The following PCDHGA11 variants were observed in gnomAD, a reference collection of about 807,000 sequenced individuals.
The protein encoded by PCDHGA11 is protocadherin gamma subfamily A, 11.
PCDHGA11 carries 39 observed loss-of-function variants against 60.4 expected under a neutral mutation model. The ratio of observed to expected loss-of-function variants is 0.65; its 90% CI spans 0.50 to 0.84. The LOEUF (loss-of-function observed/expected upper bound fraction) is 0.84. PCDHGA11 is among the 40% of genes least tolerant of loss of function. The probability of loss-of-function intolerance (pLI) is 0.00; values close to 1 mark genes in which losing one functional copy is unlikely to be tolerated. For synonymous variants in PCDHGA11, 533 were observed against 510.3 expected, an observed-to-expected ratio of 1.04 and a Z score of -0.60; for missense variants, 1,165 against 1,197.7, an observed-to-expected ratio of 0.97 and a Z score of 0.40.
At chr5:141,443,980 T>A (rs2098412674) in intron 1 of PCDHGA11, among the ~76,000 whole-genome samples, 1 of 152,036 alleles carries the variant, frequency 6.6e-6, no homozygotes, top group South Asian at 2.1e-4. Context: ...CTAAGCTATG[T>A]TAATTTTATT....
At chr5:141,507,798 GCCCT>G (rs2099863561) in intron 3 of PCDHGA11, among the ~76,000 whole-genome samples, 1 of 152,188 alleles carries the variant, frequency 6.6e-6, no homozygotes, top group Admixed American at 6.5e-5. Context: ...CTAAGCCTGC[GCCCT>G]GGGGAACGGA....
rs2096582597 is a variant in PCDHGA11, at chr5:141,421,544, A to G, written c.317A>G (p.Asn106Ser). The G allele has an allele frequency of 6.2e-7, 1 of 1,613,912 alleles. No homozygotes were observed. Among genetic ancestry groups the G allele is most frequent in the African/African-American group, 1.3e-5 (1 of 74,948 alleles). Residue 106 changes from asparagine to serine, a missense_variant, in exon 1 of 4, where the codon AAT becomes AGT. Physicochemically the swap from Asn to Ser is conservative, Grantham distance 46 (BLOSUM62 1). Transcript: ENST00000398587. Reference protein sequence around the residue: ...LCETVSSCFLNMELLVEDTLK... With the variant: ...LCETVSSCFLSMELLVEDTLK... The stretch of plus-strand genomic sequence containing the variant: ...GAGACGGTGTCCTCCTGTTTTTTAA[A>G]TATGGAACTTCTCGTGGAAGACACC...
At chr5:141,444,152 A>ATTTTTTTTTTTT (rs747671382) in intron 1 of PCDHGA11, among the ~76,000 whole-genome samples, 4 of 33,898 alleles carry the variant, frequency 1.2e-4, no homozygotes, top group Admixed American at 3.9e-4. Flanking sequence ...TGTGTACTGG[A>ATTTTTTTTTTTT]TTTTTTTTTT....
rs1561869034 is a variant in PCDHGA11 at position 141,433,357 on chromosome 5, G to GT, written c.2433+9697_2433+9698insT. On this transcript the variant is annotated intron_variant, in intron 1 of 3. Transcript: ENST00000398587. ...TACAGGTGCAAGCCACCTACTGTCT[G>GT]CCTATCTATCTATCTATCTATCTAT... 125 of 569,056 alleles carry GT rather than the reference G, an allele frequency of 2.2e-4. No homozygotes were observed. In the African/African-American group the frequency reaches 2.4e-3, roughly 11 times the overall value. The allele number at this position is 569,056 out of a possible 1,614,324, so 35.3% of individuals were successfully genotyped here. A position where few individuals can be genotyped will look rare whatever the true frequency, so the allele number is the denominator to read the frequency against.
chr5:141,501,693 G>T (rs1417828433), intron 2 of PCDHGA11, among the ~76,000 whole-genome samples: 1 of 152,028 alleles, frequency 6.6e-6, no homozygotes, highest in Non-Finnish European at 1.5e-5. Context: ...TATCTGCAGG[G>T]TGATTCCGAG....
intron 1 of PCDHGA11, among the ~76,000 whole-genome samples, chr5:141,447,631 A>G (rs59518107): frequency 0.11 from 16,809 of 152,214 alleles, 1,093 homozygotes; most frequent in African/African-American, 0.17. Flanking sequence ...AACCAACAGT[A>G]TGAATGATGG....
chr5:141,478,352 G>T lies in PCDHGA11; in HGVS notation c.2434-16455G>T, dbSNP rs767743120. 36 of 1,613,674 alleles carry T rather than the reference G, an allele frequency of 2.2e-5. No homozygotes were observed. Among genetic ancestry groups the T allele is most frequent in the Non-Finnish European group, 3.1e-5 (36 of 1,180,016 alleles). On this transcript the variant is annotated intron_variant, in intron 1 of 3. Transcript: ENST00000398587. ...ACCAGGGCCCTCCTTGCACGCGGACGCCGTGCGGGGAGGCCTGATGTCGCC... is the reference window on the plus strand; with the variant it reads ...ACCAGGGCCCTCCTTGCACGCGGACTCCGTGCGGGGAGGCCTGATGTCGCC...
intron 3 of PCDHGA11, among the ~76,000 whole-genome samples, chr5:141,510,584 C>T (rs2099881791): frequency 1.3e-5 from 2 of 152,184 alleles, no homozygotes. Flanking sequence ...TTTTACGTAC[C>T]TGACATACAT....
At position 141,476,043 on chromosome 5, in the gene PCDHGA11, A is replaced by T. The variant is rs2099384502; in HGVS notation, c.2434-18764A>T. 1 of 1,492,156 alleles carries T rather than the reference A, an allele frequency of 6.7e-7. No individual in the cohort carries two copies. Among genetic ancestry groups the T allele is most frequent in the African/African-American group, 1.4e-5 (1 of 71,628 alleles). The allele number at this position is 1,492,156 out of a possible 1,614,324, so 92.4% of individuals were successfully genotyped here. On this transcript the variant is annotated intron_variant, in intron 1 of 3. Coordinates refer to ENST00000398587, the MANE Select transcript of PCDHGA11 (RefSeq NM_018914.3). The surrounding 1 kb of genome is among the most constrained non-coding windows in gnomAD (Gnocchi z 7.6). ...ACTCGGCGCCCAGCGCCCAAGCGCT[A>T]ACCCGCTGAAAGTTTCTCAGCGAAA...
rs561824381 is a variant in PCDHGA11 at position 141,449,084 on chromosome 5, C to T, written c.2433+25424C>T. Among the ~76,000 whole-genome samples, 8 of 152,250 alleles carry T rather than the reference C, an allele frequency of 5.3e-5. No individual in the cohort carries two copies. In the East Asian group the frequency reaches 1.4e-3, roughly 26 times the overall value. The stretch of plus-strand genomic sequence containing the variant: ...CTATTGAATAGCCCTGTACCTACAT[C>T]AGTTTTTACATATGCAGTATATCTT... On this transcript the variant is annotated intron_variant, in intron 1 of 3. Transcript: ENST00000398587.
At chr5:141,439,472 A>G (rs1185561573) in intron 1 of PCDHGA11, among the ~76,000 whole-genome samples, 3 of 152,228 alleles carry the variant, frequency 2.0e-5, no homozygotes, top group Non-Finnish European at 4.4e-5. Flanking sequence ...GCTGCCTTTC[A>G]GCTTGCAAAT....
At chr5:141,500,184 TTTTATTTATTTA>T (rs58019021) in intron 2 of PCDHGA11, among the ~76,000 whole-genome samples, 197 of 135,960 alleles carry the variant, frequency 1.4e-3, no homozygotes, top group African/African-American at 3.6e-3. Context: ...TCATTTTTAT[TTTTATTTATTTA>T]TTTATTTATT....
chr5:141,430,975 G>A (rs776670383), intron 1 of PCDHGA11: 2 of 1,613,208 alleles, frequency 1.2e-6, no homozygotes, highest in Admixed American at 1.7e-5. Flanking sequence ...GAGGTAGGAC[G>A]CAGCTTTTCG....
In PCDHGA11 at chr5:141,457,578, C is replaced by T. The variant is rs538068150; in HGVS notation, c.2433+33918C>T. Among the ~76,000 whole-genome samples, 38 of 152,304 alleles carry T rather than the reference C, an allele frequency of 2.5e-4. No individual in the cohort carries two copies. The South Asian group carries it at 7.7e-3, about 31-fold the overall frequency. ...AGCTTTGGAGCAAAATTTTTCTCTC[C>T]AGTCCTCATTTTTGGTAAAAACTAA... On this transcript the variant is annotated intron_variant, in intron 1 of 3. Coordinates refer to ENST00000398587, the MANE Select transcript of PCDHGA11 (RefSeq NM_018914.3).
chr5:141,441,838 C>A, intron 1 of PCDHGA11: 1 of 355,582 alleles, frequency 2.8e-6, no homozygotes, highest in Non-Finnish European at 5.5e-6. Context: ...TGGCTTCGCG[C>A]TCTTGGATAT....
Position 141,421,720 on chromosome 5 carries a change from G to A in PCDHGA11, c.493G>A (p.Val165Met), listed in dbSNP as rs372813759. Residue 165 changes from valine (V) to methionine (M), a missense_variant, in exon 1 of 4, where the codon GTG (valine) becomes ATG (methionine). Transcript: ENST00000398587. ...LPNARDPDVG[V>M]NSLQSYQLSP... ...TAATGCTAGGGATCCAGATGTGGGC[G>A]TGAACTCCCTCCAGAGCTACCAGCT... is the stretch of plus-strand genomic sequence containing the variant. The A allele has an allele frequency of 2.5e-6, 4 of 1,613,788 alleles. No individual in the cohort carries two copies. Among genetic ancestry groups the A allele is most frequent in the Non-Finnish European group, 3.4e-6 (4 of 1,179,850 alleles).
At position 141,485,257 on chromosome 5, in the gene PCDHGA11, T is replaced by G. The variant is rs1251686604; in HGVS notation, c.2434-9550T>G. 1.9e-6 allele frequency: 3 copies of G among 1,614,036 alleles called. No homozygotes were observed. The highest frequency in any genetic ancestry group is 2.5e-6 in the Non-Finnish European group (3 of 1,180,006). ...TCTTTTACCACCTGGGTTACGTTTG[T>G]GGGCAGATCCGCTACCCGGTCCCAG... On this transcript the variant is annotated intron_variant, in intron 1 of 3. Coordinates refer to ENST00000398587, the MANE Select transcript of PCDHGA11 (RefSeq NM_018914.3). The surrounding 1 kb of genome is among the most constrained non-coding windows in gnomAD (Gnocchi z 5.7).
chr5:141,432,722 T>G lies in PCDHGA11; in HGVS notation c.2433+9062T>G, dbSNP rs2097531915. 6.2e-7 allele frequency: 1 copy of G among 1,613,646 alleles called. No homozygotes were observed. Among genetic ancestry groups the G allele is most frequent in the African/African-American group, 1.3e-5 (1 of 74,900 alleles). ...CCAGGACCACGGCCAGCCCCCTCTC[T>G]CCGCCACTGTCACGCTCACCGTGGC... On this transcript the variant is annotated intron_variant, in intron 1 of 3. Coordinates refer to ENST00000398587, the MANE Select transcript of PCDHGA11 (RefSeq NM_018914.3). The surrounding 1 kb of genome is among the most constrained non-coding windows in gnomAD (Gnocchi z 6.0).
rs1450583869 is a variant in PCDHGA11 at position 141,422,834 on chromosome 5, G to A, written c.1607G>A (p.Arg536His). ...FRDLELRVIA[R>H]DSGDPPLSSN... ...GACTTAGAACTGAGAGTGATAGCAC[G>A]TGACAGCGGGGACCCGCCCCTCAGC... Residue 536 changes from arginine (R) to histidine (H), a missense_variant, in exon 1 of 4, where the codon CGT (arginine) becomes CAT (histidine). Physicochemically the swap from Arg to His is conservative, Grantham distance 29. Coordinates refer to ENST00000398587, the MANE Select transcript of PCDHGA11 (RefSeq NM_018914.3). 5 of 1,614,230 alleles carry A rather than the reference G, an allele frequency of 3.1e-6. No individual in the cohort carries two copies. The highest frequency in any genetic ancestry group is 2.2e-5 in the East Asian group (1 of 44,878).
Sources: gnomAD v4.1 joint callset for allele counts (sites outside exome capture counted in the v4.1 genomes callset) on GRCh38, gnomAD v4.1.1 for gene constraint, Gnocchi (gnomAD v3.1) non-coding constraint, MANE v1.5 for transcripts, NCBI Gene and HGNC (gene_info 2026-07-23, HGNC 2026-07-21) for gene names.